Variants in SLCO1B3 observed in about 807,000 individuals in gnomAD.
SLCO1B3 encodes liver-specific organic anion transporter 2.
A neutral mutation model predicts 71.8 loss-of-function variants in SLCO1B3; 72 were observed. The ratio of observed to expected loss-of-function variants is 1.00; its 90% confidence interval spans 0.83 to 1.22. The LOEUF (loss-of-function observed/expected upper bound fraction) is 1.22, where lower values mean the gene tolerates loss of function less well. Among genes scored for constraint, SLCO1B3 ranks in the 50% most tolerant of loss-of-function variants. The pLI is 0.00. For missense variants in SLCO1B3, 911 were observed against 819.7 expected (o/e 1.11, Z -1.36); for synonymous variants, 298 against 278.4 (o/e 1.07, Z -0.70).
intron 3 of SLCO1B3, among the ~76,000 whole-genome samples, chr12:20,844,339 G>C (rs1159300728): frequency 6.6e-6 from 1 of 151,982 alleles, no homozygotes; most frequent in African/African-American, 2.4e-5. Flanking sequence ...GGCTGAGGTG[G>C]GCGAATCACT....
chr12:20,912,621 T>G (rs1265406489), intron 15 of SLCO1B3, among the ~76,000 whole-genome samples: 1 of 151,610 alleles, frequency 6.6e-6, no homozygotes, highest in Admixed American at 6.6e-5. Context: ...CCTCCCAGGT[T>G]CAAGTGATTC....
At chr12:20,835,161 A>G (rs1864650995) in intron 3 of SLCO1B3, among the ~76,000 whole-genome samples, 1 of 152,118 alleles carries the variant, frequency 6.6e-6, no homozygotes, top group African/African-American at 2.4e-5. Flanking sequence ...GCTGGAATGC[A>G]GGGCACCAAG....
At chr12:20,871,459 A>C (rs980607983) in intron 8 of SLCO1B3, among the ~76,000 whole-genome samples, 13 of 151,946 alleles carry the variant, frequency 8.6e-5, no homozygotes, top group African/African-American at 3.1e-4. Context: ...GGCTCATCTT[A>C]GTGCTTATGT....
intron 13 of SLCO1B3, among the ~76,000 whole-genome samples, 171 bp downstream of exon 13, chr12:20,883,773 T>G (rs1191131930): frequency 6.6e-6 from 1 of 152,160 alleles, no homozygotes; most frequent in Non-Finnish European, 1.5e-5. Flanking sequence ...ATTAATAATT[T>G]TTGTCTCTAA....
In SLCO1B3 at chr12:20,815,753, A is replaced by G; in HGVS notation, c.15A>G (p.Gln5=). The change falls in exon 3 of 16, where the codon CAA becomes CAG. Residue 5 remains glutamine, a synonymous_variant. Transcript: ENST00000381545. ...GTAGTTTAATAATGGACCAACATCA[A>G]CATTTGAATAAAACAGCAGAGTCAG... MDQH[Q]HLNKTAESAS... 1.3e-6 allele frequency: 2 copies of G among 1,591,842 alleles called. No homozygotes were observed. The highest frequency in any genetic ancestry group is 1.7e-6 in the Non-Finnish European group (2 of 1,165,596).
At chr12:20,848,640 T>A (rs985216299) in intron 3 of SLCO1B3, among the ~76,000 whole-genome samples, 4 of 152,082 alleles carry the variant, frequency 2.6e-5, no homozygotes, top group East Asian at 1.9e-4. Flanking sequence ...AACAATGTAA[T>A]TTTTTTTAGT....
intron 9 of SLCO1B3, among the ~76,000 whole-genome samples, chr12:20,877,122 T>G (rs1865597115): frequency 6.6e-6 from 1 of 152,084 alleles, no homozygotes. Context: ...TGAGCCACCA[T>G]GCCCAGCCAA....
chr12:20,844,565 C>T (rs1196420427), intron 3 of SLCO1B3, among the ~76,000 whole-genome samples: 3 of 151,666 alleles, frequency 2.0e-5, no homozygotes, highest in Non-Finnish European at 4.4e-5. Context: ...AAGCATCTGT[C>T]TCAAAGAAAA....
rs562174153 is a variant in SLCO1B3 at position 20,831,571 on chromosome 12, A to G, written c.84+15749A>G. 1.5e-4 allele frequency among the ~76,000 whole-genome samples: 23 copies of G among 152,256 alleles called. No individual in the cohort carries two copies. The East Asian group carries it at 4.2e-3, about 28-fold the overall frequency. Reference sequence around the variant, plus strand: ...TGTGTCTGCAGTTGAATTTAGTTGCATTTCTGTGCCTACTTTGTATTCATG... The same window carrying G: ...TGTGTCTGCAGTTGAATTTAGTTGCGTTTCTGTGCCTACTTTGTATTCATG... On this transcript the variant is annotated intron_variant, in intron 3 of 15. Transcript: ENST00000381545.
At chr12:20,854,201 A>G (rs1294856187) in intron 3 of SLCO1B3, among the ~76,000 whole-genome samples, 1 of 152,074 alleles carries the variant, frequency 6.6e-6, no homozygotes, top group Non-Finnish European at 1.5e-5. Flanking sequence ...AGAGTGCTCT[A>G]TTTGTCTGTT....
chr12:20,877,228 A>T (rs1008246391), intron 9 of SLCO1B3, among the ~76,000 whole-genome samples: 4 of 137,612 alleles, frequency 2.9e-5, no homozygotes, highest in Non-Finnish European at 6.4e-5. Context: ...GCAACTGTAA[A>T]CATTTTCTAT....
intron 8 of SLCO1B3, among the ~76,000 whole-genome samples, chr12:20,866,377 G>T (rs543690817): frequency 1.3e-5 from 2 of 152,166 alleles, no homozygotes; most frequent in South Asian, 4.1e-4. Context: ...TCCTTTTAGT[G>T]CAATAGCTTT....
chr12:20,820,219 G>T (rs1212733695), intron 3 of SLCO1B3, among the ~76,000 whole-genome samples: 1 of 152,090 alleles, frequency 6.6e-6, no homozygotes, highest in Non-Finnish European at 1.5e-5. Flanking sequence ...GTTACCTAAA[G>T]CTCGGCGTCC....
chr12:20,821,311 G>C (rs1864300711), intron 3 of SLCO1B3, among the ~76,000 whole-genome samples: 1 of 152,158 alleles, frequency 6.6e-6, no homozygotes, highest in African/African-American at 2.4e-5. Context: ...CTGGCAATTT[G>C]TAACTACTGT....
chr12:20,881,114 T>C, intron 12 of SLCO1B3, 94 bp downstream of exon 12: 1 of 897,432 alleles, frequency 1.1e-6, no homozygotes, highest in Middle Eastern at 2.3e-4. Context: ...AACTAAGGTC[T>C]CCAATAAAAA....
In SLCO1B3 at chr12:20,877,932, G is replaced by A; in HGVS notation, c.1131G>A (p.Leu377=). 6.3e-7 allele frequency: 1 copy of A among 1,585,828 alleles called. No homozygotes were observed. Among genetic ancestry groups the A allele is most frequent in the Non-Finnish European group, 8.6e-7 (1 of 1,167,990 alleles). ...YGQSASHANF[L]LGIITIPTVA... is the part of the protein sequence containing the mutation. ...AGTCTGCATCTCATGCTAACTTTTT[G>A]TTGGGTAAGACATATTTTTTACCTG... Residue 377 remains leucine (L), a synonymous_variant, in exon 10 of 16, where the codon TTG becomes TTA. Transcript: ENST00000381545.
rs1865256138 is a variant in SLCO1B3, at chr12:20,861,151, A to G, written c.481+13A>G. ...ATAGTAGAAAAAGGTAAGAATTAAT[A>G]GTGACAGTAAAACAAATTCTAGATT... On this transcript the variant is annotated intron_variant, in intron 6 of 15. Transcript: ENST00000381545. The G allele has an allele frequency of 6.4e-7, 1 of 1,559,676 alleles. No homozygotes were observed. Among genetic ancestry groups the G allele is most frequent in the South Asian group, 1.2e-5 (1 of 83,570 alleles).
intron 1 of SLCO1B3, among the ~76,000 whole-genome samples, chr12:20,811,373 C>T (rs1006755378): frequency 5.3e-5 from 8 of 152,120 alleles, no homozygotes; most frequent in Non-Finnish European, 2.9e-5. Flanking sequence ...AAATAATGGT[C>T]CCCTTCACCC....
chr12:20,904,226 C>T (rs112027993), intron 15 of SLCO1B3, among the ~76,000 whole-genome samples: 1,544 of 122,988 alleles, frequency 0.013, 25 homozygotes, highest in African/African-American at 0.045. Flanking sequence ...GGCAACAGAG[C>T]GAGACTCTGT....
Sources: allele counts gnomAD v4.1 joint callset (sites outside exome capture counted in the v4.1 genomes callset), GRCh38; gene constraint gnomAD v4.1.1; transcripts MANE v1.5; gene names NCBI Gene and HGNC (gene_info 2026-07-23, HGNC 2026-07-21).